Variants in PDE4D observed in about 807,000 individuals in gnomAD.
The protein encoded by PDE4D is 3',5'-cyclic-AMP phosphodiesterase 4D.
In PDE4D, 24 loss-of-function variants were observed where a neutral mutation model predicts 87.4. The observed-to-expected ratio is 0.27, with a 90% confidence interval of 0.20 to 0.39. The LOEUF (loss-of-function observed/expected upper bound fraction) is 0.39, where lower values mean the gene tolerates loss of function less well. Among genes scored for constraint, PDE4D ranks in the 10% least tolerant of loss-of-function variants. The pLI is 1.00. For synonymous variants in PDE4D, 384 were observed against 383.2 expected, an observed-to-expected ratio of 1.00 and a Z score of -0.02; for missense variants, 714 against 1,041.0, an observed-to-expected ratio of 0.69 and a Z score of 4.32.
At chr5:60,205,742 A>C (rs1207022166) in intron 1 of PDE4D, among the ~76,000 whole-genome samples, 7 of 152,134 alleles carry the variant, frequency 4.6e-5, no homozygotes, top group Non-Finnish European at 1.0e-4. Context: ...AAAAAAAAAA[A>C]AATTAGCCAG....
chr5:60,297,012 G>A (rs886089146), intron 1 of PDE4D, among the ~76,000 whole-genome samples: 1 of 152,124 alleles, frequency 6.6e-6, no homozygotes, highest in Non-Finnish European at 1.5e-5. Flanking sequence ...GATGGGTGCA[G>A]CAAACCACCA....
intron 1 of PDE4D, among the ~76,000 whole-genome samples, chr5:60,294,193 A>G (rs1753173285): frequency 6.6e-6 from 1 of 151,552 alleles, no homozygotes. Flanking sequence ...GATGTGGAGC[A>G]CTCTTTACTG....
Position 58,974,030 on chromosome 5 carries a change from T to G in PDE4D, c.*634A>C, listed in dbSNP as rs909484793. 1 of 152,462 alleles carries G rather than the reference T, an allele frequency of 6.6e-6. No individual in the cohort carries two copies. The highest frequency in any genetic ancestry group is 2.4e-5 in the African/African-American group (1 of 41,390). The allele number at this position is 152,462 out of a possible 1,614,324, so 9.4% of individuals were successfully genotyped here. Reference sequence around the variant, plus strand: ...GTGGCAGATGAAGTTCTGAACATAGTTTTTTTTAAATATAATACCTCAATA... The same window carrying G: ...GTGGCAGATGAAGTTCTGAACATAGGTTTTTTTAAATATAATACCTCAATA... On this transcript the variant is annotated 3_prime_UTR_variant, in exon 15 of 15. Coordinates refer to ENST00000340635, the MANE Select transcript of PDE4D (RefSeq NM_001104631.2).
chr5:60,122,372 A>G (rs1271470477), intron 2 of PDE4D, among the ~76,000 whole-genome samples: 1 of 152,236 alleles, frequency 6.6e-6, no homozygotes, highest in Non-Finnish European at 1.5e-5. Flanking sequence ...CTGCCCCTGC[A>G]GCAAACTTCT....
At chr5:59,502,342 T>A (rs1808433492) in intron 1 of PDE4D, among the ~76,000 whole-genome samples, 1 of 152,128 alleles carries the variant, frequency 6.6e-6, no homozygotes. Flanking sequence ...GACTTTCAGA[T>A]TTAAAGCACT....
intron 1 of PDE4D, among the ~76,000 whole-genome samples, chr5:59,744,917 C>A (rs1282654917): frequency 1.3e-5 from 2 of 152,172 alleles, no homozygotes; most frequent in African/African-American, 4.8e-5. Context: ...TAGACCCACA[C>A]ATCTGAGTAA....
At chr5:59,904,370 CAGA>C (rs1438390237) in intron 3 of PDE4D, among the ~76,000 whole-genome samples, 2 of 152,110 alleles carry the variant, frequency 1.3e-5, no homozygotes, top group African/African-American at 4.8e-5. Flanking sequence ...CTTAAATAAA[CAGA>C]AGAAGGGGAG....
chr5:60,384,488 G>A (rs1018051827), intron 1 of PDE4D, among the ~76,000 whole-genome samples: 1 of 152,188 alleles, frequency 6.6e-6, no homozygotes, highest in East Asian at 1.9e-4. Flanking sequence ...ATGGGAGCCT[G>A]AAGTCTGACC....
chr5:59,592,041 T>C (rs1825991059), intron 1 of PDE4D: 1 of 490,784 alleles, frequency 2.0e-6, no homozygotes. Context: ...AAGAGGTGAG[T>C]GTGCCATCAG....
intron 1 of PDE4D, among the ~76,000 whole-genome samples, chr5:60,384,384 G>A (rs562062158): frequency 6.6e-6 from 1 of 152,320 alleles, no homozygotes; most frequent in African/African-American, 2.4e-5. Context: ...AAAACTAAAT[G>A]TCTTAAGTGG....
chr5:59,043,668 T>C (rs1479852430), intron 5 of PDE4D, among the ~76,000 whole-genome samples: 5 of 152,128 alleles, frequency 3.3e-5, no homozygotes, highest in Non-Finnish European at 7.3e-5. Flanking sequence ...AACTCCTCAT[T>C]TACATTAGGT....
intron 1 of PDE4D, among the ~76,000 whole-genome samples, chr5:60,431,362 G>A (rs867385592): frequency 5.2e-4 from 79 of 151,594 alleles, no homozygotes; most frequent in South Asian, 4.4e-3. Context: ...CAGATGGGGC[G>A]GCCGGGCAGA....
At chr5:59,897,612 C>T (rs559100980), upstream of PDE4D, among the ~76,000 whole-genome samples, 2 of 152,140 alleles carry the variant, frequency 1.3e-5, no homozygotes, top group South Asian at 4.2e-4. Context: ...GCATCCCACC[C>T]CCCGACAGGC....
chr5:59,436,374 T>C (rs747821398), intron 1 of PDE4D, among the ~76,000 whole-genome samples: 43 of 152,194 alleles, frequency 2.8e-4, no homozygotes, highest in Non-Finnish European at 5.9e-5. Flanking sequence ...ATTAAAATAA[T>C]GATATTGAAA....
At chr5:59,746,559 A>T (rs1039845866) in intron 1 of PDE4D, among the ~76,000 whole-genome samples, 1 of 152,166 alleles carries the variant, frequency 6.6e-6, no homozygotes, top group African/African-American at 2.4e-5. Context: ...ACAAAGTCCA[A>T]GACTGCCAGG....
intron 1 of PDE4D, among the ~76,000 whole-genome samples, chr5:59,634,655 A>G (rs298038): frequency 0.79 from 119,567 of 152,092 alleles, 47,064 homozygotes; most frequent in South Asian, 0.91. Context: ...ATAACGAAAC[A>G]AAGGCAGAAA....
intron 1 of PDE4D, among the ~76,000 whole-genome samples, chr5:59,547,289 A>G (rs1218002343): frequency 6.6e-6 from 1 of 152,174 alleles, no homozygotes; most frequent in Non-Finnish European, 1.5e-5. Context: ...ATGAACTTCT[A>G]TCAGTTTTTT....
rs1410831631 is a variant in PDE4D at position 59,030,021 on chromosome 5, A to G, written c.921+8838T>C. ...ACTGTACTCTTATCTCACACTCCAT[A>G]TAAAAATCAACTCAAAAGAGATATA... On this transcript the variant is annotated intron_variant, in intron 6 of 14. Coordinates refer to ENST00000340635, the MANE Select transcript of PDE4D (RefSeq NM_001104631.2). Among the ~76,000 whole-genome samples the G allele has an allele frequency of 2.6e-5, 4 of 152,166 alleles. No individual in the cohort carries two copies. In the South Asian group the frequency reaches 6.2e-4, roughly 24 times the overall value.
intron 1 of PDE4D, among the ~76,000 whole-genome samples, chr5:59,595,071 G>T (rs1464851002): frequency 1.3e-5 from 2 of 152,074 alleles, no homozygotes; most frequent in African/African-American, 2.4e-5. Flanking sequence ...AAAGTTACAT[G>T]ACAAGCATTA....
Sources: allele counts gnomAD v4.1 joint callset (sites outside exome capture counted in the v4.1 genomes callset), GRCh38; gene constraint gnomAD v4.1.1; transcripts MANE v1.5; gene names NCBI Gene and HGNC (gene_info 2026-07-23, HGNC 2026-07-21).